The following C1orf162 variants were observed in gnomAD, a reference collection of about 807,000 sequenced individuals.
C1orf162 encodes the protein transmembrane protein C1orf162.
C1orf162 carries 10 observed loss-of-function variants against 11.4 expected under a neutral mutation model. The observed-to-expected ratio is 0.88, with a 90% confidence interval of 0.54 to 1.48. The LOEUF (loss-of-function observed/expected upper bound fraction) is 1.48, where lower values mean the gene tolerates loss of function less well. Among genes scored for constraint, C1orf162 ranks in the 40% most tolerant of loss-of-function variants. The pLI is 0.00. For missense variants in C1orf162, 140 were observed against 149.5 expected, an observed-to-expected ratio of 0.94 and a Z score of 0.33; for synonymous variants, 53 against 55.0, an observed-to-expected ratio of 0.96 and a Z score of 0.16.
chr1:111,476,253 C>G (rs952822847), intron 2 of C1orf162, among the ~76,000 whole-genome samples, 188 bp downstream of exon 2: 3 of 152,002 alleles, frequency 2.0e-5, no homozygotes, highest in African/African-American at 7.2e-5. Context: ...CCTGCCTGGC[C>G]CTCCAAATCT....
At chr1:111,477,250 T>C (rs1654021366) in intron 3 of C1orf162, 84 bp from the exon 4 acceptor site, 1 of 1,169,094 alleles carries the variant, frequency 8.6e-7, no homozygotes. Context: ...CAGGAGTCCA[T>C]CCATAGGCAG....
In C1orf162 at chr1:111,478,337, G is replaced by A; in HGVS notation, c.*214G>A. 8.1e-6 allele frequency: 5 copies of A among 621,012 alleles called. No individual in the cohort carries two copies. In the Admixed American group the frequency reaches 1.2e-4, roughly 14 times the overall value. 38.5% of individuals were successfully genotyped at this position (621,012 alleles called of 1,614,324 possible). On this transcript the variant is annotated 3_prime_UTR_variant, in exon 6 of 6. Coordinates refer to ENST00000369718, the MANE Select transcript of C1orf162 (RefSeq NM_001300834.2). ...GGAAAGATTGATGGCCCTCCCACTT[G>A]AACTGACAGCCTGTGAGCCCCTTGG...
chr1:111,476,988 A>G (rs1476531272), intron 3 of C1orf162, 121 bp downstream of exon 3: 3 of 1,113,088 alleles, frequency 2.7e-6, no homozygotes, highest in Non-Finnish European at 4.1e-6. Flanking sequence ...AAACAGTAAA[A>G]GAACAAAGTC....
intron 2 of C1orf162, 62 bp downstream of exon 2, chr1:111,476,127 G>A (rs1571387919): frequency 2.0e-6 from 3 of 1,499,216 alleles, no homozygotes; most frequent in East Asian, 2.3e-5. Context: ...TAGAAATTGT[G>A]CTGAAGGGCT....
At position 111,478,173 on chromosome 1, in the gene C1orf162, A is replaced by G. The variant is rs761232495; in HGVS notation, c.*50A>G. On this transcript the variant is annotated 3_prime_UTR_variant, in exon 6 of 6. Coordinates refer to ENST00000369718, the MANE Select transcript of C1orf162 (RefSeq NM_001300834.2). ...ATCCATTTCCTCTCATCTCAGCCCTATCTTCACACATCACTTTCACTTTTT... is the reference window on the plus strand; with the variant it reads ...ATCCATTTCCTCTCATCTCAGCCCTGTCTTCACACATCACTTTCACTTTTT... 1.2e-6 allele frequency: 2 copies of G among 1,601,424 alleles called. No homozygotes were observed. Among genetic ancestry groups the G allele is most frequent in the Non-Finnish European group, 1.7e-6 (2 of 1,169,812 alleles).
chr1:111,474,726 G>T (rs1419362840), intron 1 of C1orf162: 1 of 152,092 alleles, frequency 6.6e-6, no homozygotes, highest in Non-Finnish European at 1.5e-5. Context: ...TTTCCCGTTG[G>T]CCCTTTTCTT....
chr1:111,477,799 G>A (rs1336376411), intron 5 of C1orf162, 24 bp downstream of exon 5: 4 of 1,613,536 alleles, frequency 2.5e-6, no homozygotes, highest in South Asian at 1.1e-5. Flanking sequence ...ACTGTTTTGG[G>A]GACACTGAAG....
Position 111,477,646 on chromosome 1 carries a change from C to T in C1orf162, c.203-80C>T, listed in dbSNP as rs367968974. The T allele has an allele frequency of 2.8e-5, 45 of 1,613,220 alleles. No individual in the cohort carries two copies. In the African/African-American group the frequency reaches 3.5e-4, roughly 12 times the overall value. ...ACCTCCTCCCCACCCCACCCTTCAC[C>T]CAAGATCGAAGGGAGAGGCTTCCCA... On this transcript the variant is annotated intron_variant, in intron 4 of 5. Transcript: ENST00000369718.
rs1653976001 is a variant in C1orf162 at position 111,476,015 on chromosome 1, CAG to C, written c.-11-2_-11-1del. 1.2e-6 allele frequency: 2 copies of C among 1,612,542 alleles called. No individual in the cohort carries two copies. Among genetic ancestry groups the C allele is most frequent in the Non-Finnish European group, 1.7e-6 (2 of 1,178,602 alleles). On this transcript the variant is annotated splice_acceptor_variant, in intron 1 of 5. Coordinates refer to ENST00000369718, the MANE Select transcript of C1orf162 (RefSeq NM_001300834.2). LOFTEE classifies it low-confidence loss of function (5UTR_SPLICE). Reference sequence around the variant, plus strand: ...TCTAAGAGATACCTTGTTTTATTCTCAGGGGATGACAGCATGGGAGGCAATGG... The same window carrying C: ...TCTAAGAGATACCTTGTTTTATTCTCGGGATGACAGCATGGGAGGCAATGG...
chr1:111,477,693 G>C (rs1021544601), intron 4 of C1orf162, 33 bp from the exon 5 acceptor site: 1 of 1,612,984 alleles, frequency 6.2e-7, no homozygotes, highest in Middle Eastern at 1.6e-4. Context: ...CCATTGCTGA[G>C]ATGGGTCCCT....
chr1:111,477,717 C>T lies in C1orf162; in HGVS notation c.203-9C>T. ...AGATGGGTCCCTCTTCTTTCTGGCA[C>T]CATGGCAGATCACTCCAAGCCCCAG... is the stretch of plus-strand genomic sequence containing the variant. On this transcript the variant is annotated splice_polypyrimidine_tract_variant and intron_variant, in intron 4 of 5. Transcript: ENST00000369718. 6.2e-7 allele frequency: 1 copy of T among 1,613,722 alleles called. No homozygotes were observed. The highest frequency in any genetic ancestry group is 8.5e-7 in the Non-Finnish European group (1 of 1,179,788).
Position 111,478,195 on chromosome 1 carries a change from T to G in C1orf162, c.*72T>G. 1 of 1,579,188 alleles carries G rather than the reference T, an allele frequency of 6.3e-7. No homozygotes were observed. Among genetic ancestry groups the G allele is most frequent in the Admixed American group, 1.7e-5 (1 of 59,498 alleles). ...CCTATCTTCACACATCACTTTCACT[T>G]TTTTACAAATTTTGGACCACCACCT... On this transcript the variant is annotated 3_prime_UTR_variant, in exon 6 of 6. Transcript: ENST00000369718.
Position 111,476,027 on chromosome 1 carries a change from G to A in C1orf162, c.-2G>A, listed in dbSNP as rs138773319. The stretch of plus-strand genomic sequence containing the variant: ...CTTGTTTTATTCTCAGGGGATGACA[G>A]CATGGGAGGCAATGGCTCCACATGT... On this transcript the variant is annotated 5_prime_UTR_variant, in exon 2 of 6. Coordinates refer to ENST00000369718, the MANE Select transcript of C1orf162 (RefSeq NM_001300834.2). The A allele has an allele frequency of 8.7e-6, 14 of 1,613,158 alleles. No homozygotes were observed. The South Asian group carries it at 1.5e-4, about 18-fold the overall frequency.
In C1orf162 at chr1:111,476,150, C is replaced by T. The variant is rs532323975; in HGVS notation, c.37+85C>T. 3.9e-6 allele frequency: 5 copies of T among 1,296,824 alleles called. No individual in the cohort carries two copies. The East Asian group carries it at 1.2e-4, about 30-fold the overall frequency. The allele number at this position is 1,296,824 out of a possible 1,614,324, so 80.3% of individuals were successfully genotyped here. A position where few individuals can be genotyped will look rare whatever the true frequency, so the allele number is the denominator to read the frequency against. On this transcript the variant is annotated intron_variant, in intron 2 of 5. Transcript: ENST00000369718. ...GTGCTGAAGGGCTGTAATGGAAAGG[C>T]ACTAGCTAGTGCATTTCTGAAACTG...
At chr1:111,477,823 G>A (rs1274184912) in intron 5 of C1orf162, 48 bp downstream of exon 5, 1 of 1,608,348 alleles carries the variant, frequency 6.2e-7, no homozygotes, top group African/African-American at 1.3e-5. Context: ...TACCGTCATT[G>A]GAATTCCCCT....
In C1orf162 at chr1:111,477,596, C is replaced by T. The variant is rs1215321719; in HGVS notation, c.203-130C>T. On this transcript the variant is annotated intron_variant, in intron 4 of 5. Transcript: ENST00000369718. ...TTCAAATCCCTTCATTTTTCTTCCG[C>T]CCTGCCCCCCACCCACCTGCCAACA... 3.7e-5 allele frequency: 45 copies of T among 1,213,612 alleles called. No homozygotes were observed. The East Asian group carries it at 9.5e-4, about 26-fold the overall frequency. The allele number at this position is 1,213,612 out of a possible 1,614,324, so 75.2% of individuals were successfully genotyped here. A position where few individuals can be genotyped will look rare whatever the true frequency, so the allele number is the denominator to read the frequency against.
intron 1 of C1orf162, among the ~76,000 whole-genome samples, chr1:111,474,339 C>T (rs1354488949): frequency 1.3e-5 from 2 of 152,144 alleles, no homozygotes; most frequent in African/African-American, 4.8e-5. Context: ...AGCTATTTCC[C>T]TGTGGTATTG....
Position 111,477,723 on chromosome 1 carries a change from CA to C in C1orf162, c.203-2del, listed in dbSNP as rs1654046442. ...GTCCCTCTTCTTTCTGGCACCATGG[CA>C]GATCACTCCAAGCCCCAGGCCCCAG... On this transcript the variant is annotated splice_acceptor_variant, in intron 4 of 5. Transcript: ENST00000369718. LOFTEE classifies it high-confidence loss of function. 6.2e-7 allele frequency: 1 copy of C among 1,613,762 alleles called. No homozygotes were observed. Among genetic ancestry groups the C allele is most frequent in the African/African-American group, 1.3e-5 (1 of 74,802 alleles).
intron 4 of C1orf162, 142 bp from the exon 5 acceptor site, chr1:111,477,584 A>G: frequency 6.7e-7 from 1 of 1,497,350 alleles, no homozygotes; most frequent in Non-Finnish European, 9.1e-7. Context: ...AAATCCCTTC[A>G]TTTTTCTTCC....
Sources: allele counts gnomAD v4.1 joint callset (sites outside exome capture counted in the v4.1 genomes callset), GRCh38; gene constraint gnomAD v4.1.1; transcripts MANE v1.5; gene names NCBI Gene and HGNC (gene_info 2026-07-23, HGNC 2026-07-21).